Variants in DACH1 observed in about 807,000 individuals in gnomAD.
The protein encoded by DACH1 is dachshund family transcription factor 1.
Under a neutral mutation model 54.2 loss-of-function variants are expected in DACH1, and 12 were observed. That is an observed-to-expected ratio of 0.22 (90% CI 0.14 to 0.36). The LOEUF (loss-of-function observed/expected upper bound fraction) is 0.36. DACH1 is among the 10% of genes least tolerant of loss of function. The pLI is 1.00. For missense variants in DACH1, 805 were observed against 929.8 expected (o/e 0.87, Z 1.75); for synonymous variants, 386 against 366.2 (o/e 1.05, Z -0.62).
At chr13:71,462,681 G>T (rs765646202) in intron 10 of DACH1, among the ~76,000 whole-genome samples, 2 of 151,658 alleles carry the variant, frequency 1.3e-5, no homozygotes, top group Non-Finnish European at 2.9e-5. Context: ...ACTTCTTTAC[G>T]TGTATTAATT....
At chr13:71,841,215 T>C (rs1037384733) in intron 1 of DACH1, among the ~76,000 whole-genome samples, 5 of 152,160 alleles carry the variant, frequency 3.3e-5, no homozygotes, top group African/African-American at 1.2e-4. Context: ...CCAGGGTTTC[T>C]AACAGCATTA....
chr13:71,613,381 G>A (rs974881092), intron 3 of DACH1, among the ~76,000 whole-genome samples: 5 of 152,130 alleles, frequency 3.3e-5, no homozygotes, highest in Non-Finnish European at 7.4e-5. Flanking sequence ...CTATGTTAAG[G>A]AAGTTGAATT....
At chr13:71,792,359 C>T (rs1566503234) in intron 1 of DACH1, among the ~76,000 whole-genome samples, 1 of 151,968 alleles carries the variant, frequency 6.6e-6, no homozygotes, top group East Asian at 1.9e-4. Context: ...CACACACACA[C>T]ACACACACAC....
At chr13:71,576,409 A>G (rs1201662693) in intron 3 of DACH1, among the ~76,000 whole-genome samples, 4 of 152,150 alleles carry the variant, frequency 2.6e-5, no homozygotes, top group Non-Finnish European at 4.4e-5. Flanking sequence ...GTGCCTCCCC[A>G]TTACAACATT....
At chr13:71,754,816 A>T (rs1482298076) in intron 1 of DACH1, among the ~76,000 whole-genome samples, 1 of 152,122 alleles carries the variant, frequency 6.6e-6, no homozygotes, top group Non-Finnish European at 1.5e-5. Flanking sequence ...GATTCACTGC[A>T]TTGCAGGAGA....
At chr13:71,448,824 G>T (rs566301100) in intron 10 of DACH1, among the ~76,000 whole-genome samples, 393 of 145,664 alleles carry the variant, frequency 2.7e-3, no homozygotes, top group South Asian at 0.015. Flanking sequence ...AGATTCTGTG[G>T]TTTTTTTTTT....
rs971879166 is a variant in DACH1, at chr13:71,439,436, C to G, written c.*1219G>C. ...GGGTGGGAAGCACAGCACATTTTAA[C>G]TTTATCACTCAGCGCTACATGGTAT... On this transcript the variant is annotated 3_prime_UTR_variant, in exon 11 of 11. Coordinates refer to ENST00000613252, the MANE Select transcript of DACH1 (RefSeq NM_080759.6). 6.6e-6 allele frequency: 1 copy of G among 152,492 alleles called. No homozygotes were observed. Among genetic ancestry groups the G allele is most frequent in the Admixed American group, 6.6e-5 (1 of 15,254 alleles). 9.4% of individuals were successfully genotyped at this position (152,492 alleles called of 1,614,324 possible).
intron 4 of DACH1, among the ~76,000 whole-genome samples, chr13:71,561,981 A>C (rs1257208865): frequency 6.6e-6 from 1 of 152,196 alleles, no homozygotes; most frequent in Admixed American, 6.5e-5. Context: ...AAGCGCTATA[A>C]GAAGCTTCAT....
chr13:71,440,763 G>A (rs1198967196), intron 10 of DACH1, 71 bp from the exon 11 acceptor site: 2 of 1,196,740 alleles, frequency 1.7e-6, no homozygotes, highest in Non-Finnish European at 2.4e-6. Flanking sequence ...TAAAAATGAT[G>A]TAACTTGATA....
chr13:71,821,157 C>A (rs758127749), intron 1 of DACH1, among the ~76,000 whole-genome samples: 1 of 152,172 alleles, frequency 6.6e-6, no homozygotes, highest in Non-Finnish European at 1.5e-5. Context: ...GCCTACTTCT[C>A]CCATTTGTGA....
intron 7 of DACH1, among the ~76,000 whole-genome samples, chr13:71,484,097 A>T (rs908493614): frequency 2.0e-5 from 3 of 152,182 alleles, no homozygotes; most frequent in Admixed American, 1.3e-4. Flanking sequence ...TTCCTCCTAG[A>T]TACCATGGTT....
intron 1 of DACH1, among the ~76,000 whole-genome samples, chr13:71,768,410 A>G (rs1421282042): frequency 6.6e-6 from 1 of 151,998 alleles, no homozygotes; most frequent in Admixed American, 6.6e-5. Context: ...CTTTATTCTT[A>G]CAGATTGCCT....
chr13:71,562,825 T>C (rs765989708), intron 4 of DACH1, among the ~76,000 whole-genome samples: 3 of 152,118 alleles, frequency 2.0e-5, no homozygotes, highest in Non-Finnish European at 2.9e-5. Context: ...TATCAAATCA[T>C]TGTAATCACA....
At chr13:71,580,721 A>T (rs1872777270) in intron 3 of DACH1, among the ~76,000 whole-genome samples, 2 of 152,192 alleles carry the variant, frequency 1.3e-5, no homozygotes, top group African/African-American at 4.8e-5. Context: ...AAACCTGGTT[A>T]GCCTCAAAGA....
At chr13:71,789,861 A>G (rs1281448123) in intron 1 of DACH1, among the ~76,000 whole-genome samples, 3 of 152,154 alleles carry the variant, frequency 2.0e-5, no homozygotes, top group African/African-American at 7.2e-5. Context: ...AACAACAACA[A>G]CAAAAAATGT....
intron 1 of DACH1, among the ~76,000 whole-genome samples, chr13:71,781,719 T>A (rs537931751): frequency 1.3e-5 from 2 of 152,284 alleles, no homozygotes; most frequent in Admixed American, 6.5e-5. Context: ...CTAACAATTA[T>A]GATTTTTCTT....
intron 1 of DACH1, among the ~76,000 whole-genome samples, chr13:71,763,927 A>G (rs776252128): frequency 1.3e-5 from 2 of 152,214 alleles, no homozygotes; most frequent in African/African-American, 4.8e-5. Context: ...CCATGTTGCA[A>G]AACATTTTAT....
chr13:71,780,443 A>C (rs2138064088), intron 1 of DACH1, among the ~76,000 whole-genome samples: 1 of 152,236 alleles, frequency 6.6e-6, no homozygotes, highest in East Asian at 1.9e-4. Context: ...TATCCCTTAT[A>C]AAACATATCA....
intron 6 of DACH1, among the ~76,000 whole-genome samples, chr13:71,508,176 T>C (rs1011367089): frequency 2.0e-5 from 3 of 152,210 alleles, no homozygotes; most frequent in Admixed American, 2.0e-4. Flanking sequence ...AGCTGCATAT[T>C]AGTACGTTTA....
Sources: allele counts gnomAD v4.1 joint callset (sites outside exome capture counted in the v4.1 genomes callset), GRCh38; gene constraint gnomAD v4.1.1; transcripts MANE v1.5; gene names NCBI Gene and HGNC (gene_info 2026-07-23, HGNC 2026-07-21).